Variants in NLGN1 observed in about 807,000 individuals in gnomAD.
NLGN1 encodes neuroligin-1.
In NLGN1, 12 loss-of-function variants were observed where a neutral mutation model predicts 65.5. The ratio of observed to expected loss-of-function variants is 0.18; its 90% CI spans 0.12 to 0.30. The LOEUF is 0.30. Among genes scored for constraint, NLGN1 ranks in the 10% least tolerant of loss-of-function variants. The pLI, the probability that NLGN1 is intolerant of heterozygous loss-of-function variation, is 1.00. For missense variants in NLGN1, 750 were observed against 1,007.1 expected (o/e 0.74, Z 3.46); for synonymous variants, 350 against 359.5 (o/e 0.97, Z 0.30).
chr3:173,598,117 T>C (rs1399625498), intron 2 of NLGN1, among the ~76,000 whole-genome samples: 1 of 152,208 alleles, frequency 6.6e-6, no homozygotes, highest in Non-Finnish European at 1.5e-5. Context: ...CAGTAGTTTG[T>C]TTTTTAAGGG....
intron 4 of NLGN1, among the ~76,000 whole-genome samples, chr3:174,061,625 G>GAAT (rs1216765091): frequency 6.6e-6 from 1 of 152,074 alleles, no homozygotes; most frequent in East Asian, 1.9e-4. Context: ...GGAGGTACAA[G>GAAT]AATAGCTAAT....
intron 4 of NLGN1, among the ~76,000 whole-genome samples, chr3:174,269,385 T>C (rs913833636): frequency 6.6e-6 from 1 of 152,122 alleles, no homozygotes; most frequent in African/African-American, 2.4e-5. Context: ...TATCTGTTTC[T>C]ATGATTGTGA....
At chr3:173,409,618 G>A (rs564833454) in intron 1 of NLGN1, among the ~76,000 whole-genome samples, 1 of 151,930 alleles carries the variant, frequency 6.6e-6, no homozygotes, top group South Asian at 2.1e-4. Context: ...TCTTACACAC[G>A]TCTCTTACAT....
At chr3:173,806,793 GAA>G (rs1232636896) in intron 3 of NLGN1, among the ~76,000 whole-genome samples, 1 of 152,072 alleles carries the variant, frequency 6.6e-6, no homozygotes, top group Admixed American at 6.6e-5. Flanking sequence ...AAAAGTATGA[GAA>G]GAGCAAATAT....
intron 4 of NLGN1, among the ~76,000 whole-genome samples, chr3:174,133,850 A>G (rs1054564479): frequency 5.3e-5 from 8 of 150,696 alleles, no homozygotes; most frequent in Non-Finnish European, 1.2e-4. Flanking sequence ...CATACAAAAC[A>G]AGATGTGCTT....
intron 3 of NLGN1, among the ~76,000 whole-genome samples, chr3:173,802,116 A>G (rs1715565319): frequency 6.6e-6 from 1 of 151,976 alleles, no homozygotes; most frequent in Non-Finnish European, 1.5e-5. Flanking sequence ...CCTATTTTAA[A>G]AATATTTTGA....
chr3:173,868,795 C>T (rs1730659851), intron 4 of NLGN1, among the ~76,000 whole-genome samples: 1 of 152,098 alleles, frequency 6.6e-6, no homozygotes, highest in South Asian at 2.1e-4. Context: ...TTTTAACAAG[C>T]ATCTCAGGTG....
chr3:173,546,511 T>C (rs1217069516), intron 2 of NLGN1, among the ~76,000 whole-genome samples: 1 of 152,192 alleles, frequency 6.6e-6, no homozygotes, highest in Non-Finnish European at 1.5e-5. Flanking sequence ...AATAAAAATA[T>C]ATTGGTTAAA....
At chr3:173,544,892 A>C (rs1047157773) in intron 2 of NLGN1, among the ~76,000 whole-genome samples, 2 of 152,204 alleles carry the variant, frequency 1.3e-5, no homozygotes, top group African/African-American at 4.8e-5. Context: ...GAGGTATCAC[A>C]AAAACCAGGA....
At chr3:173,785,004 A>G (rs559405452) in intron 3 of NLGN1, among the ~76,000 whole-genome samples, 5 of 152,266 alleles carry the variant, frequency 3.3e-5, no homozygotes, top group Admixed American at 6.5e-5. Flanking sequence ...ACACAAAACA[A>G]ATATATAGAC....
chr3:173,557,934 G>A (rs978234512), intron 2 of NLGN1, among the ~76,000 whole-genome samples: 4 of 152,174 alleles, frequency 2.6e-5, no homozygotes, highest in South Asian at 2.1e-4. Context: ...ACATTTGGTA[G>A]CATCAATTTT....
intron 2 of NLGN1, among the ~76,000 whole-genome samples, chr3:173,461,506 A>C (rs994143071): frequency 6.6e-6 from 1 of 152,060 alleles, no homozygotes; most frequent in African/African-American, 2.4e-5. Context: ...AACTTACTCA[A>C]CCTCACTCTA....
chr3:174,007,793 A>C (rs539595581), intron 4 of NLGN1, among the ~76,000 whole-genome samples: 3 of 152,196 alleles, frequency 2.0e-5, no homozygotes, highest in African/African-American at 7.2e-5. Flanking sequence ...CTGAACATGC[A>C]GTTAGAATTA....
At chr3:174,020,633 T>A (rs1416196457) in intron 4 of NLGN1, among the ~76,000 whole-genome samples, 1 of 152,124 alleles carries the variant, frequency 6.6e-6, no homozygotes, top group Non-Finnish European at 1.5e-5. Flanking sequence ...TTATATTATA[T>A]TGGAGTCATT....
intron 3 of NLGN1, among the ~76,000 whole-genome samples, chr3:173,614,399 G>A (rs1752744130): frequency 6.6e-6 from 1 of 152,018 alleles, no homozygotes; most frequent in South Asian, 2.1e-4. Context: ...TTGGGAACAG[G>A]TATGTTCTGT....
At chr3:173,620,472 G>A (rs567737019) in intron 3 of NLGN1, among the ~76,000 whole-genome samples, 77 of 152,036 alleles carry the variant, frequency 5.1e-4, no homozygotes, top group African/African-American at 1.8e-3. Flanking sequence ...AACTCAAGAA[G>A]GCAGGATAGG....
At chr3:174,278,185 T>TTTC (rs759419707) in intron 5 of NLGN1, among the ~76,000 whole-genome samples, 2 of 151,976 alleles carry the variant, frequency 1.3e-5, no homozygotes, top group Admixed American at 6.6e-5. Flanking sequence ...CTGATGGTTT[T>TTTC]TTCTTTAACC....
chr3:174,226,461 AT>A (rs1190194183), intron 4 of NLGN1, among the ~76,000 whole-genome samples: 1 of 152,064 alleles, frequency 6.6e-6, no homozygotes, highest in Non-Finnish European at 1.5e-5. Context: ...GCATTATTGC[AT>A]TTTTCTTGTA....
rs377174837 is a variant in NLGN1 at position 174,268,105 on chromosome 3, CA to C, written c.647-7208del. 6.0e-4 allele frequency among the ~76,000 whole-genome samples: 92 copies of C among 152,210 alleles called. 1 individual carries two copies. The highest frequency in any genetic ancestry group is 1.9e-3 in the African/African-American group (81 of 41,546). Reference sequence around the variant, plus strand: ...TATATGATAGACATTGTCGTTTCTTCAATGTCATGCTTCGAAGTGCACTATG... The same window carrying C: ...TATATGATAGACATTGTCGTTTCTTCATGTCATGCTTCGAAGTGCACTATG... On this transcript the variant is annotated intron_variant, in intron 4 of 6. Coordinates refer to ENST00000457714, the Ensembl canonical transcript of NLGN1.
Sources: gnomAD v4.1 joint callset for allele counts (sites outside exome capture counted in the v4.1 genomes callset) on GRCh38, gnomAD v4.1.1 for gene constraint, MANE v1.5 for transcripts, NCBI Gene and HGNC (gene_info 2026-07-23, HGNC 2026-07-21) for gene names.